Variants in CNTN4 observed in about 807,000 individuals in gnomAD.
The protein encoded by CNTN4 is contactin-4.
CNTN4 carries 77 observed loss-of-function variants against 122.5 expected under a neutral mutation model. The ratio of observed to expected loss-of-function variants is 0.63; its 90% confidence interval spans 0.52 to 0.76. CNTN4 has a LOEUF of 0.76. Ranked by LOEUF, CNTN4 falls within the 30% of genes least tolerant of loss-of-function variation. CNTN4 has a pLI of 0.00. For missense variants in CNTN4, 1,256 were observed against 1,259.1 expected (o/e 1.00, Z 0.04); for synonymous variants, 512 against 447.0 (o/e 1.15, Z -1.83).
intron 3 of CNTN4, among the ~76,000 whole-genome samples, chr3:2,438,806 A>G (rs1324100940): frequency 2.6e-5 from 4 of 152,184 alleles, no homozygotes; most frequent in African/African-American, 9.6e-5. Flanking sequence ...CAAGTGGGCA[A>G]TGAGTTTTAA....
chr3:2,117,025 G>A (rs924985942), intron 2 of CNTN4, among the ~76,000 whole-genome samples: 7 of 152,088 alleles, frequency 4.6e-5, no homozygotes, highest in Admixed American at 2.0e-4. Context: ...CTAACTCAGC[G>A]TCCTCTAATT....
intron 4 of CNTN4, among the ~76,000 whole-genome samples, chr3:2,670,708 G>A (rs971774860): frequency 1.2e-4 from 18 of 152,106 alleles, no homozygotes; most frequent in African/African-American, 4.1e-4. Context: ...TTACAATTTG[G>A]CATGTTTTTG....
rs1385492606 is a variant in CNTN4, at chr3:2,841,268, T to G, written c.454+21687T>G. ...TAACCCAGTTTTTCAGATGTGTTAATATATAGTGCAAAGTTTCCAATGTAG... is the reference window on the plus strand; with the variant it reads ...TAACCCAGTTTTTCAGATGTGTTAAGATATAGTGCAAAGTTTCCAATGTAG... On this transcript the variant is annotated intron_variant, in intron 7 of 24. Coordinates refer to ENST00000418658, the MANE Select transcript of CNTN4 (RefSeq NM_175607.3). The surrounding 1 kb of genome is among the most constrained non-coding windows in gnomAD (Gnocchi z 4.8). Among the ~76,000 whole-genome samples the G allele has an allele frequency of 6.6e-6, 1 of 152,210 alleles. No homozygotes were observed. Among genetic ancestry groups the G allele is most frequent in the Non-Finnish European group, 1.5e-5 (1 of 68,042 alleles).
intron 20 of CNTN4, among the ~76,000 whole-genome samples, chr3:3,040,586 C>T (rs562201180): frequency 1.8e-4 from 28 of 152,254 alleles, no homozygotes; most frequent in African/African-American, 6.3e-4. Flanking sequence ...TTATTTTTGC[C>T]TTTAAGTGAA....
At chr3:2,993,384 G>A (rs1229789320) in intron 14 of CNTN4, among the ~76,000 whole-genome samples, 1 of 147,480 alleles carries the variant, frequency 6.8e-6, no homozygotes, top group Non-Finnish European at 1.5e-5. Flanking sequence ...TGCAACCTTT[G>A]CCTCCCGGGC....
rs186538995 is a variant in CNTN4 at position 2,866,790 on chromosome 3, T to C, written c.493T>C (p.Tyr165His). The C allele has an allele frequency of 3.1e-6, 5 of 1,614,064 alleles. No homozygotes were observed. The African/African-American group carries it at 4.0e-5, about 13-fold the overall frequency. Residue 165 changes from tyrosine (Y) to histidine (H), a missense_variant, in exon 8 of 25, where the codon TAT becomes CAT. Tyr to His is a moderately conservative substitution (Grantham distance 83, BLOSUM62 2). Coordinates refer to ENST00000418658, the MANE Select transcript of CNTN4 (RefSeq NM_175607.3). ...YAWIFNEYPS[Y>H]QDNRRFVSQE... Reference sequence around the variant, plus strand: ...CTGGATCTTCAATGAATACCCTTCCTATCAGGATAATCGCCGCTTTGTTTC... The same window carrying C: ...CTGGATCTTCAATGAATACCCTTCCCATCAGGATAATCGCCGCTTTGTTTC...
intron 3 of CNTN4, among the ~76,000 whole-genome samples, chr3:2,467,832 T>G (rs754366623): frequency 6.6e-5 from 10 of 152,190 alleles, no homozygotes; most frequent in Non-Finnish European, 2.9e-5. Context: ...GTGCAGAGAC[T>G]ATTCCTGCTA....
chr3:2,455,985 G>A (rs1356013982), intron 3 of CNTN4, among the ~76,000 whole-genome samples: 1 of 151,976 alleles, frequency 6.6e-6, no homozygotes, highest in African/African-American at 2.4e-5. Flanking sequence ...TTACTATGTG[G>A]GAATATTTTG....
At chr3:2,238,926 C>G (rs531825204) in intron 2 of CNTN4, 1 of 128,596 alleles carries the variant, frequency 7.8e-6, no homozygotes, top group Non-Finnish European at 1.7e-5. Flanking sequence ...GGGGTTTCAC[C>G]GTGTTAGCCA....
intron 4 of CNTN4, among the ~76,000 whole-genome samples, chr3:2,619,825 C>G (rs1364456191): frequency 6.6e-6 from 1 of 152,226 alleles, no homozygotes; most frequent in East Asian, 1.9e-4. Flanking sequence ...CTTATATCCT[C>G]TCTGTTCACA....
At chr3:2,155,604 C>G (rs2035684641) in intron 2 of CNTN4, among the ~76,000 whole-genome samples, 1 of 152,170 alleles carries the variant, frequency 6.6e-6, no homozygotes, top group Admixed American at 6.5e-5. Flanking sequence ...CGCCAGTGGG[C>G]ACTGAATCCT....
chr3:2,651,332 A>G (rs1021278619), intron 4 of CNTN4, among the ~76,000 whole-genome samples: 17 of 152,212 alleles, frequency 1.1e-4, no homozygotes, highest in South Asian at 1.0e-3. Flanking sequence ...TGTATTTTCA[A>G]TCTGTGGGTC....
intron 2 of CNTN4, among the ~76,000 whole-genome samples, chr3:2,225,829 A>T (rs1372479266): frequency 6.6e-6 from 1 of 152,168 alleles, no homozygotes; most frequent in Non-Finnish European, 1.5e-5. Flanking sequence ...GGAAGTTGTC[A>T]TGAAGGACTT....
chr3:2,202,000 A>T (rs2038119337), intron 2 of CNTN4, among the ~76,000 whole-genome samples: 3 of 152,190 alleles, frequency 2.0e-5, no homozygotes, highest in Admixed American at 2.0e-4. Flanking sequence ...AATCTTACAC[A>T]GGAGGCTATT....
chr3:2,841,211 A>C lies in CNTN4; in HGVS notation c.454+21630A>C, dbSNP rs1010479748. Among the ~76,000 whole-genome samples the C allele has an allele frequency of 2.0e-5, 3 of 152,230 alleles. No individual in the cohort carries two copies. Among genetic ancestry groups the C allele is most frequent in the Admixed American group, 1.3e-4 (2 of 15,284 alleles). On this transcript the variant is annotated intron_variant, in intron 7 of 24. Transcript: ENST00000418658. This position sits in a 1 kb window ranked among gnomAD's most constrained non-coding sequence, Gnocchi z 4.8. ...TTGCATTGCCCAAAGAAGTTGGATC[A>C]AAAGAGTTACAGCTGGGTGGATTTT...
Position 2,763,965 on chromosome 3 carries a change from C to CT in CNTN4, c.358+18279dup, listed in dbSNP as rs796513972. 9.7e-3 allele frequency among the ~76,000 whole-genome samples: 1,377 copies of CT among 141,460 alleles called. 24 individuals are homozygous for CT. The highest frequency in any genetic ancestry group is 0.029 in the African/African-American group (1,121 of 38,968). 92.8% of individuals were successfully genotyped at this position (141,460 alleles called of 152,430 possible). A position where few individuals can be genotyped will look rare whatever the true frequency, so the allele number is the denominator to read the frequency against. On this transcript the variant is annotated intron_variant, in intron 6 of 24. Transcript: ENST00000418658. Reference sequence around the variant, plus strand: ...CTTAGGATTGCCTTGGCTATTCGGGCTTTTTTTTTTTGTTCCATATGAATT... The same window carrying CT: ...CTTAGGATTGCCTTGGCTATTCGGGCTTTTTTTTTTTTGTTCCATATGAATT...
chr3:2,104,958 C>T (rs1357464561), intron 2 of CNTN4, among the ~76,000 whole-genome samples: 2 of 152,106 alleles, frequency 1.3e-5, no homozygotes, highest in Non-Finnish European at 2.9e-5. Flanking sequence ...GGTGGGATTC[C>T]GTTTCCCATT....
At chr3:2,977,244 A>T (rs1185473871) in intron 13 of CNTN4, among the ~76,000 whole-genome samples, 1 of 152,204 alleles carries the variant, frequency 6.6e-6, no homozygotes, top group African/African-American at 2.4e-5. Flanking sequence ...AGAATACCAT[A>T]GGTTGCCATT....
chr3:2,364,866 A>G (rs2150577581), intron 3 of CNTN4, among the ~76,000 whole-genome samples: 1 of 152,194 alleles, frequency 6.6e-6, no homozygotes, highest in East Asian at 1.9e-4. Context: ...TCATTTCTTT[A>G]TTTTACTTTT....
Sources: gnomAD v4.1 joint callset for allele counts (sites outside exome capture counted in the v4.1 genomes callset) on GRCh38, gnomAD v4.1.1 for gene constraint, Gnocchi (gnomAD v3.1) non-coding constraint, MANE v1.5 for transcripts, NCBI Gene and HGNC (gene_info 2026-07-23, HGNC 2026-07-21) for gene names.